Variants in WWOX observed in about 807,000 individuals in gnomAD.
The protein encoded by WWOX is WW domain containing oxidoreductase, also known as WW domain-containing oxidoreductase.
Under a neutral mutation model 46.2 loss-of-function variants are expected in WWOX, and 69 were observed. The ratio of observed to expected loss-of-function variants is 1.49; its 90% CI spans 1.23 to 1.82. The LOEUF is 1.82. Among genes scored for constraint, WWOX ranks in the 40% most tolerant of loss-of-function variants. WWOX has a pLI of 0.00. For missense variants in WWOX, 919 were observed against 542.6 expected, an observed-to-expected ratio of 1.69 and a Z score of -6.89; for synonymous variants, 359 against 202.6, an observed-to-expected ratio of 1.77 and a Z score of -6.56.
intron 8 of WWOX, among the ~76,000 whole-genome samples, chr16:78,979,396 C>T (rs150060321): frequency 1.0e-3 from 157 of 152,234 alleles, no homozygotes; most frequent in African/African-American, 3.5e-3. Flanking sequence ...GCAGCAGCAA[C>T]AAGAAGAGAG....
chr16:78,713,887 G>A (rs1393084810), intron 8 of WWOX, among the ~76,000 whole-genome samples: 1 of 152,154 alleles, frequency 6.6e-6, no homozygotes, highest in African/African-American at 2.4e-5. Context: ...ATATGATTTG[G>A]GGTGATGGAA....
intron 8 of WWOX, among the ~76,000 whole-genome samples, chr16:78,545,089 CT>C (rs1262435051): frequency 2.6e-5 from 4 of 152,322 alleles, no homozygotes; most frequent in African/African-American, 9.6e-5. Context: ...AGTTTTCATT[CT>C]CATTTTAGTG....
intron 8 of WWOX, among the ~76,000 whole-genome samples, chr16:78,732,805 C>G (rs1186124759): frequency 6.6e-6 from 1 of 152,176 alleles, no homozygotes; most frequent in Non-Finnish European, 1.5e-5. Context: ...GAATCTCTGG[C>G]AGGTAGAAGT....
chr16:78,410,559 C>T (rs927833684), intron 6 of WWOX, among the ~76,000 whole-genome samples: 3 of 152,050 alleles, frequency 2.0e-5, no homozygotes, highest in African/African-American at 7.2e-5. Context: ...CCTGTTATCA[C>T]AGCACTTTGG....
At chr16:78,603,570 T>A (rs1018774126) in intron 8 of WWOX, among the ~76,000 whole-genome samples, 72 of 152,158 alleles carry the variant, frequency 4.7e-4, no homozygotes, top group African/African-American at 1.5e-3. Context: ...GGCAGCCACC[T>A]GTAGTCCCAG....
chr16:78,187,552 G>A (rs889164519), intron 5 of WWOX, among the ~76,000 whole-genome samples: 29 of 152,088 alleles, frequency 1.9e-4, no homozygotes, highest in African/African-American at 7.0e-4. Context: ...GCAATGAGCC[G>A]AGATCGCGCC....
At chr16:78,366,699 C>T (rs2081543006) in intron 5 of WWOX, among the ~76,000 whole-genome samples, 2 of 152,092 alleles carry the variant, frequency 1.3e-5, no homozygotes, top group African/African-American at 4.8e-5. Context: ...TTGGGAGATA[C>T]TTGAAAAATC....
intron 8 of WWOX, among the ~76,000 whole-genome samples, chr16:78,934,456 C>T (rs936838061): frequency 2.9e-5 from 4 of 139,776 alleles, no homozygotes; most frequent in Non-Finnish European, 6.0e-5. Context: ...CTGCAGTGAA[C>T]TGTGATCACG....
At chr16:78,947,258 C>G (rs79822036) in intron 8 of WWOX, among the ~76,000 whole-genome samples, 387 of 152,242 alleles carry the variant, frequency 2.5e-3, no homozygotes, top group African/African-American at 8.1e-3. Context: ...TATATTTTCT[C>G]AAGCCACTTA....
chr16:78,371,088 G>A (rs547934050), intron 5 of WWOX, among the ~76,000 whole-genome samples: 3 of 147,058 alleles, frequency 2.0e-5, no homozygotes, highest in Non-Finnish European at 3.0e-5. Flanking sequence ...CAAACTAATC[G>A]TTATTAGAGT....
chr16:78,519,614 G>A (rs573608452), intron 8 of WWOX, among the ~76,000 whole-genome samples: 19 of 152,142 alleles, frequency 1.2e-4, no homozygotes, highest in East Asian at 3.9e-4. Flanking sequence ...CCTCAAGGTC[G>A]TGACGGTACT....
intron 8 of WWOX, among the ~76,000 whole-genome samples, chr16:78,550,186 G>T (rs557019216): frequency 1.3e-5 from 2 of 152,284 alleles, no homozygotes; most frequent in South Asian, 4.1e-4. Flanking sequence ...GTCATTAAAA[G>T]TTCTCACTGG....
chr16:78,797,334 A>G (rs1206268701), intron 8 of WWOX, among the ~76,000 whole-genome samples: 1 of 143,670 alleles, frequency 7.0e-6, no homozygotes, highest in East Asian at 2.2e-4. Context: ...GACACAAGGT[A>G]TGCAATTTTA....
chr16:78,436,755 G>A (rs1816786994), intron 8 of WWOX, among the ~76,000 whole-genome samples: 1 of 151,404 alleles, frequency 6.6e-6, no homozygotes, highest in South Asian at 2.1e-4. Flanking sequence ...TAGACCTCGG[G>A]TTGGTCATTT....
At chr16:78,865,947 G>T (rs533492299) in intron 8 of WWOX, among the ~76,000 whole-genome samples, 25 of 152,202 alleles carry the variant, frequency 1.6e-4, no homozygotes, top group Admixed American at 1.4e-3. Context: ...TGATTGTTTT[G>T]GTTTTAACAA....
At chr16:78,489,868 A>T (rs2175473) in intron 8 of WWOX, among the ~76,000 whole-genome samples, 114,351 of 152,022 alleles carry the variant, frequency 0.75, 45,003 homozygotes, top group Admixed American at 0.87. Context: ...TATGGGTAAC[A>T]GTTGTGGGAG....
Position 78,901,592 on chromosome 16 carries a change from A to G in WWOX, c.1057-310016A>G, listed in dbSNP as rs191440088. 7.2e-5 allele frequency among the ~76,000 whole-genome samples: 11 copies of G among 152,276 alleles called. No homozygotes were observed. The East Asian group carries it at 2.1e-3, about 30-fold the overall frequency. ...AGCCTGTGCTTCCCAGACTCAAGTC[A>G]TCCTCCCACCTCAGCCTCCTGAGTA... On this transcript the variant is annotated intron_variant, in intron 8 of 8. Transcript: ENST00000566780.
chr16:79,037,563 C>A (rs2047892242), intron 8 of WWOX, among the ~76,000 whole-genome samples: 1 of 152,244 alleles, frequency 6.6e-6, no homozygotes, highest in East Asian at 1.9e-4. Flanking sequence ...ACATTTAAAT[C>A]TGTGTGTTTA....
At chr16:79,099,521 T>C (rs1482420811) in intron 8 of WWOX, among the ~76,000 whole-genome samples, 3 of 152,072 alleles carry the variant, frequency 2.0e-5, no homozygotes, top group Non-Finnish European at 4.4e-5. Context: ...CTGGCCAGTT[T>C]CTTTAATTTT....
Sources: allele counts gnomAD v4.1 joint callset (sites outside exome capture counted in the v4.1 genomes callset), GRCh38; gene constraint gnomAD v4.1.1; transcripts MANE v1.5; gene names NCBI Gene and HGNC (gene_info 2026-07-23, HGNC 2026-07-21).